Variants in IGFL4 observed in about 807,000 individuals in gnomAD.
IGFL4 encodes the protein IGF like family member 4.
IGFL4 carries 12 observed loss-of-function variants against 15.4 expected under a neutral mutation model. That is an observed-to-expected ratio of 0.78 (90% confidence interval 0.50 to 1.26). IGFL4 has a LOEUF of 1.26. IGFL4 is among the 50% of genes most tolerant of loss of function. The pLI, the probability that IGFL4 is intolerant of heterozygous loss-of-function variation, is 0.00. For missense variants in IGFL4, 126 were observed against 147.8 expected (o/e 0.85, Z 0.76); for synonymous variants, 54 against 55.9 (o/e 0.97, Z 0.16).
chr19:46,045,180 C>A (rs113377270), upstream of IGFL4, among the ~76,000 whole-genome samples: 89 of 152,262 alleles, frequency 5.8e-4, no homozygotes, highest in Non-Finnish European at 9.9e-4. Flanking sequence ...CGCAGTGGCT[C>A]ACACCTTTAA....
chr19:46,049,958 T>C (rs543453717), intron 2 of IGFL4, among the ~76,000 whole-genome samples: 3 of 152,262 alleles, frequency 2.0e-5, no homozygotes, highest in African/African-American at 7.2e-5. Flanking sequence ...GTATCCACGG[T>C]TGAGAGACCT....
intron 1 of IGFL4, among the ~76,000 whole-genome samples, chr19:46,065,329 CTTTT>C: frequency 7.2e-6 from 1 of 139,434 alleles, no homozygotes; most frequent in East Asian, 2.2e-4. Flanking sequence ...CTTTTCTTTT[CTTTT>C]CTTTTTTGAG....
At chr19:46,066,904 GC>G (rs1417398673) in intron 1 of IGFL4, among the ~76,000 whole-genome samples, 2 of 152,296 alleles carry the variant, frequency 1.3e-5, no homozygotes, top group South Asian at 4.1e-4. Flanking sequence ...ACATTTAAGA[GC>G]AAGTAAGCAT....
chr19:46,065,577 G>C lies in IGFL4; in HGVS notation c.-431-5284C>G, dbSNP rs549990827. Among the ~76,000 whole-genome samples the C allele has an allele frequency of 2.6e-5, 4 of 152,344 alleles. No individual in the cohort carries two copies. The East Asian group carries it at 5.8e-4, about 22-fold the overall frequency. On this transcript the variant is annotated intron_variant, in intron 1 of 5. Transcript: ENST00000601672. ...CTGCCTTGGCCTCCCAAAGTGCTAG[G>C]ATTACAGGCCTGAGCCACCGCGCCT... is the stretch of plus-strand genomic sequence containing the variant.
upstream of IGFL4, chr19:46,041,201 C>T (rs1568709457): frequency 4.2e-6 from 2 of 479,722 alleles, no homozygotes; most frequent in Admixed American, 7.8e-5. Context: ...CCCTTCAGAT[C>T]CTCAGGGTAA....
chr19:46,040,399 A>G lies in IGFL4; in HGVS notation c.88T>C (p.Cys30Arg), dbSNP rs1266426419. The change falls in exon 3 of 4, where the codon TGC (cysteine) becomes CGC (arginine). Residue 30 changes from cysteine (C) to arginine (R), a missense_variant. Cys to Arg is a radical substitution (Grantham distance 180). Coordinates refer to ENST00000377697, the MANE Select transcript of IGFL4 (RefSeq NM_001002923.3). This position sits in a 1 kb window ranked among gnomAD's most constrained non-coding sequence, Gnocchi z 4.1. ...EGVTDLRLWL[C>R]QPAPRCGEWT... is the part of the protein sequence containing the mutation. ...TCCCCGCACCTGGGCGCTGGCTGGC[A>G]TAGCCACAGTCTAAGATCTGGAAGA... 6 of 1,614,194 alleles carry G rather than the reference A, an allele frequency of 3.7e-6. No individual in the cohort carries two copies. The East Asian group carries it at 8.9e-5, about 24-fold the overall frequency.
intron 2 of IGFL4, chr19:46,059,875 T>A (rs190678565): frequency 6.6e-6 from 1 of 152,238 alleles, no homozygotes; most frequent in African/African-American, 2.4e-5. Context: ...CTGAGTTGGG[T>A]AAATTCCTCT....
At chr19:46,062,721 A>G (rs1002875119) in intron 1 of IGFL4, 10 of 152,448 alleles carry the variant, frequency 6.6e-5, no homozygotes, top group African/African-American at 2.4e-4. Context: ...TAGGGAAGGC[A>G]AAGAACTCAG....
At chr19:46,046,059 C>T (rs962209719) in intron 2 of IGFL4, among the ~76,000 whole-genome samples, 4 of 152,162 alleles carry the variant, frequency 2.6e-5, no homozygotes, top group Admixed American at 6.5e-5. Context: ...AGACTACCAG[C>T]GGACCTCTCA....
At position 46,040,588 on chromosome 19, in the gene IGFL4, C is replaced by A. The variant is rs193208783; in HGVS notation, c.20-20G>T. 173 of 1,613,686 alleles carry A rather than the reference C, an allele frequency of 1.1e-4. No individual in the cohort carries two copies. In the African/African-American group the frequency reaches 2.2e-3, roughly 20 times the overall value. ...TGGCAGCTGAGAAGCAGAAGGAGAG[C>A]GAGAATGATTCTGAGGTCACTAGGT... On this transcript the variant is annotated intron_variant, in intron 1 of 3. Coordinates refer to ENST00000377697, the MANE Select transcript of IGFL4 (RefSeq NM_001002923.3). This position sits in a 1 kb window ranked among gnomAD's most constrained non-coding sequence, Gnocchi z 4.1.
chr19:46,043,392 A>C (rs1243391773), upstream of IGFL4, among the ~76,000 whole-genome samples: 1 of 152,250 alleles, frequency 6.6e-6, no homozygotes, highest in Non-Finnish European at 1.5e-5. Flanking sequence ...TACAGATTTA[A>C]CACAATTCCA....
In IGFL4 at chr19:46,040,828, T is replaced by G; in HGVS notation, c.19+116A>C. The G allele has an allele frequency of 1.9e-6, 2 of 1,042,304 alleles. No homozygotes were observed. Among genetic ancestry groups the G allele is most frequent in the Non-Finnish European group, 2.9e-6 (2 of 686,808 alleles). 64.6% of individuals were successfully genotyped at this position (1,042,304 alleles called of 1,614,324 possible). The stretch of plus-strand genomic sequence containing the variant: ...GTCACAGATGACATAGCAGTGATTA[T>G]GAGGTGGGACACCAATAATTAAATA... On this transcript the variant is annotated intron_variant, in intron 1 of 3. Coordinates refer to ENST00000377697, the MANE Select transcript of IGFL4 (RefSeq NM_001002923.3). This position sits in a 1 kb window ranked among gnomAD's most constrained non-coding sequence, Gnocchi z 4.1.
chr19:46,041,554 A>C (rs1969243259), upstream of IGFL4, among the ~76,000 whole-genome samples: 1 of 151,558 alleles, frequency 6.6e-6, no homozygotes, highest in Non-Finnish European at 1.5e-5. Context: ...CGGTGGTAGG[A>C]TGGATCTCTG....
chr19:46,049,819 C>T (rs922853555), intron 2 of IGFL4, among the ~76,000 whole-genome samples: 1 of 152,162 alleles, frequency 6.6e-6, no homozygotes, highest in African/African-American at 2.4e-5. Flanking sequence ...ACAGCTGACG[C>T]GCTCTTAAAA....
chr19:46,048,612 A>G (rs1600671048), intron 2 of IGFL4, among the ~76,000 whole-genome samples: 1 of 152,152 alleles, frequency 6.6e-6, no homozygotes, highest in East Asian at 1.9e-4. Flanking sequence ...TAGCATTCCT[A>G]TACACCAACA....
intron 1 of IGFL4, among the ~76,000 whole-genome samples, chr19:46,066,243 T>A (rs945577860): frequency 3.3e-5 from 5 of 152,220 alleles, no homozygotes; most frequent in Non-Finnish European, 7.3e-5. Context: ...GAATTTCAGA[T>A]GAGCAACAAA....
chr19:46,048,492 G>A (rs1476058194), intron 2 of IGFL4, among the ~76,000 whole-genome samples: 1 of 152,118 alleles, frequency 6.6e-6, no homozygotes, highest in Admixed American at 6.5e-5. Context: ...CTTGTTTGCA[G>A]ATACATAATC....
chr19:46,041,230 T>C, upstream of IGFL4: 1 of 418,702 alleles, frequency 2.4e-6, no homozygotes, highest in South Asian at 7.0e-5. Context: ...CAGGAACCTA[T>C]CTAAGCTTTG....
At chr19:46,059,542 C>T (rs1353932461) in intron 2 of IGFL4, 1 of 152,062 alleles carries the variant, frequency 6.6e-6, no homozygotes, top group Non-Finnish European at 1.5e-5. Flanking sequence ...GGTTGGCTCA[C>T]AGGAATAAGC....
Sources: gnomAD v4.1 joint callset for allele counts (sites outside exome capture counted in the v4.1 genomes callset) on GRCh38, gnomAD v4.1.1 for gene constraint, Gnocchi (gnomAD v3.1) non-coding constraint, MANE v1.5 for transcripts, NCBI Gene and HGNC (gene_info 2026-07-23, HGNC 2026-07-21) for gene names.